The following PARVB variants were observed in gnomAD, a reference collection of about 807,000 sequenced individuals.
The protein encoded by PARVB is beta-parvin.
A neutral mutation model predicts 47.0 loss-of-function variants in PARVB; 46 were observed. The ratio of observed to expected loss-of-function variants is 0.98; its 90% CI spans 0.77 to 1.25. PARVB has a LOEUF of 1.25. PARVB is among the 50% of genes most tolerant of loss of function. The pLI is 0.00. For synonymous variants in PARVB, 196 were observed against 196.3 expected (o/e 1.00, Z 0.01); for missense variants, 473 against 471.6 (o/e 1.00, Z -0.03).
chr22:44,010,086 A>T (rs2050507141), intron 2 of PARVB, among the ~76,000 whole-genome samples: 1 of 152,180 alleles, frequency 6.6e-6, no homozygotes, highest in Admixed American at 6.5e-5. Context: ...AATTACAGGC[A>T]TGAGCCACTG....
rs976822771 is a variant in PARVB, at chr22:44,049,531, G to A, written c.112+25080G>A. 5.9e-5 allele frequency among the ~76,000 whole-genome samples: 9 copies of A among 152,350 alleles called. No individual in the cohort carries two copies. The highest frequency in any genetic ancestry group is 1.9e-4 in the African/African-American group (8 of 41,580). ...AAAATGTGTGCAGAGGATGCACTGC[G>A]TGCAGGCTGCGGCTCGAGGTCAATC... On this transcript the variant is annotated intron_variant, in intron 1 of 12. Coordinates refer to ENST00000338758, the MANE Select transcript of PARVB (RefSeq NM_013327.5). The surrounding 1 kb of genome is among the most constrained non-coding windows in gnomAD (Gnocchi z 4.0).
chr22:44,104,645 C>T (rs937380894), intron 3 of PARVB: 4 of 152,266 alleles, frequency 2.6e-5, no homozygotes, highest in Admixed American at 6.5e-5. Flanking sequence ...CCTCACTACA[C>T]AAGGCCAGAG....
intron 1 of PARVB, among the ~76,000 whole-genome samples, chr22:44,052,589 T>C (rs1280364138): frequency 6.6e-6 from 1 of 152,208 alleles, no homozygotes; most frequent in African/African-American, 2.4e-5. Context: ...CTTGGAAGCA[T>C]GAAAGCCCCT....
chr22:44,135,649 C>G (rs1438267593), intron 6 of PARVB, among the ~76,000 whole-genome samples: 1 of 152,180 alleles, frequency 6.6e-6, no homozygotes, highest in Non-Finnish European at 1.5e-5. Flanking sequence ...TACCACAAAC[C>G]AGGTGGCTTA....
rs1356334743 is a variant in PARVB at position 44,169,508 on chromosome 22, G to A, written c.*830G>A. ...CCTTTTTGGGAATGAATGCATCTTT[G>A]GAAACTTTAAAATGAGGGGGGTGCA... On this transcript the variant is annotated 3_prime_UTR_variant, in exon 13 of 13. Coordinates refer to ENST00000338758, the MANE Select transcript of PARVB (RefSeq NM_013327.5). 1 of 149,866 alleles carries A rather than the reference G, an allele frequency of 6.7e-6. No individual in the cohort carries two copies. The highest frequency in any genetic ancestry group is 2.5e-5 in the African/African-American group (1 of 39,222). The allele number at this position is 149,866 out of a possible 1,614,324, so 9.3% of individuals were successfully genotyped here. A position where few individuals can be genotyped will look rare whatever the true frequency, so the allele number is the denominator to read the frequency against.
rs2054276705 is a variant in PARVB at position 44,172,310 on chromosome 22, C to T, written c.*3632C>T. 1 of 152,264 alleles carries T rather than the reference C, an allele frequency of 6.6e-6. No individual in the cohort carries two copies. The highest frequency in any genetic ancestry group is 2.1e-4 in the South Asian group (1 of 4,834). The allele number at this position is 152,264 out of a possible 1,614,324, so 9.4% of individuals were successfully genotyped here. A position where few individuals can be genotyped will look rare whatever the true frequency, so the allele number is the denominator to read the frequency against. The stretch of plus-strand genomic sequence containing the variant: ...TCAGAGAAATTCTGGGACCCTTCCT[C>T]CTCCCGGCACCACGTTTTCAGTGAA... On this transcript the variant is annotated 3_prime_UTR_variant, in exon 13 of 13. Transcript: ENST00000338758.
At chr22:44,094,788 G>C (rs572228870) in intron 2 of PARVB, among the ~76,000 whole-genome samples, 3 of 151,858 alleles carry the variant, frequency 2.0e-5, no homozygotes, top group Admixed American at 6.6e-5. Flanking sequence ...ACTGCGCCTG[G>C]CCCCAACACC....
chr22:44,077,625 G>A (rs6006638), intron 1 of PARVB, among the ~76,000 whole-genome samples: 7,219 of 152,214 alleles, frequency 0.047, 228 homozygotes, highest in African/African-American at 0.084. Context: ...ACGGGGAGTC[G>A]CCAGGTGGGT....
intron 9 of PARVB, chr22:44,148,961 C>G (rs924184994): frequency 6.6e-6 from 1 of 152,300 alleles, no homozygotes; most frequent in African/African-American, 2.4e-5. Flanking sequence ...GCATCAGAGT[C>G]CCCCACCTCC....
rs77131352 is a variant in PARVB, at chr22:44,094,778, A to C, written c.202+761A>C. On this transcript the variant is annotated intron_variant, in intron 2 of 12. Transcript: ENST00000338758. ...AGTGCAGGGACTACAGATATGAGCC[A>C]CTGCGCCTGGCCCCAACACCCTTAC... Among the ~76,000 whole-genome samples the C allele has an allele frequency of 1.1e-3, 172 of 151,890 alleles. 2 individuals carry two copies. The highest frequency in any genetic ancestry group is 4.1e-3 in the African/African-American group (170 of 41,454).
At chr22:44,088,833 A>G (rs2052094152) in intron 1 of PARVB, among the ~76,000 whole-genome samples, 1 of 152,182 alleles carries the variant, frequency 6.6e-6, no homozygotes. Context: ...TGCACATAGT[A>G]GGTGCTCAGG....
chr22:44,129,247 A>G (rs907179706), intron 4 of PARVB, among the ~76,000 whole-genome samples: 2 of 152,164 alleles, frequency 1.3e-5, no homozygotes, highest in Non-Finnish European at 2.9e-5. Flanking sequence ...AGCCATCTAC[A>G]AGCCAGGAGA....
At chr22:44,117,482 C>T (rs923386359) in intron 3 of PARVB, among the ~76,000 whole-genome samples, 2 of 152,142 alleles carry the variant, frequency 1.3e-5, no homozygotes, top group African/African-American at 2.4e-5. Flanking sequence ...CCAGCCACCT[C>T]GCAGAGAGAG....
At chr22:44,022,637 C>G (rs1320731747), upstream of PARVB, among the ~76,000 whole-genome samples, 1 of 152,142 alleles carries the variant, frequency 6.6e-6, no homozygotes, top group Non-Finnish European at 1.5e-5. Context: ...AACCCACACA[C>G]CCAGAGCTGA....
At chr22:44,027,290 G>C (rs1006473554) in intron 1 of PARVB, among the ~76,000 whole-genome samples, 2 of 152,220 alleles carry the variant, frequency 1.3e-5, no homozygotes, top group African/African-American at 2.4e-5. Context: ...CATGTGATGA[G>C]AGGCCCTGTA....
chr22:44,053,891 T>G, intron 1 of PARVB, among the ~76,000 whole-genome samples: 1 of 150,802 alleles, frequency 6.6e-6, no homozygotes, highest in East Asian at 2.0e-4. Context: ...CCATGCCCTC[T>G]CTGGGCGTGC....
At chr22:44,022,076 C>T (rs529931592), upstream of PARVB, among the ~76,000 whole-genome samples, 1 of 152,248 alleles carries the variant, frequency 6.6e-6, no homozygotes, top group South Asian at 2.1e-4. Flanking sequence ...ACTTCATCTT[C>T]ACTTGATCAT....
chr22:44,069,120 G>C, intron 1 of PARVB: 1 of 1,612,366 alleles, frequency 6.2e-7, no homozygotes, highest in Non-Finnish European at 8.5e-7. Flanking sequence ...TCCGCCGGCT[G>C]TGCTGGTCTG....
intron 1 of PARVB, among the ~76,000 whole-genome samples, chr22:44,061,017 A>T (rs6006635): frequency 0.22 from 33,898 of 152,174 alleles, 4,058 homozygotes; most frequent in Middle Eastern, 0.3. Flanking sequence ...CAACAGCAGT[A>T]TAAGTGCTGC....
Sources: allele counts gnomAD v4.1 joint callset (sites outside exome capture counted in the v4.1 genomes callset), GRCh38; gene constraint gnomAD v4.1.1; non-coding constraint Gnocchi (gnomAD v3.1); transcripts MANE v1.5; gene names NCBI Gene and HGNC (gene_info 2026-07-23, HGNC 2026-07-21).